Variants in RSPH9 observed in about 807,000 individuals in gnomAD.
RSPH9 encodes the protein radial spoke head protein 9 homolog.
A neutral mutation model predicts 27.0 loss-of-function variants in RSPH9; 27 were observed. That is an observed-to-expected ratio of 1.00 (90% CI 0.74 to 1.38). The LOEUF (loss-of-function observed/expected upper bound fraction) is 1.38, where lower values mean the gene tolerates loss of function less well. RSPH9 is among the 40% of genes most tolerant of loss of function. RSPH9 has a pLI of 0.00. For synonymous variants in RSPH9, 145 were observed against 147.7 expected (o/e 0.98, Z 0.13); for missense variants, 347 against 357.4 (o/e 0.97, Z 0.24).
chr6:43,669,353 T>G (rs1162985740), intron 4 of RSPH9, among the ~76,000 whole-genome samples: 4 of 152,192 alleles, frequency 2.6e-5, no homozygotes, highest in Non-Finnish European at 1.5e-5. Flanking sequence ...GGTTTTGACC[T>G]GGGCAGGCGG....
At chr6:43,667,941 G>GAGTA in intron 4 of RSPH9, among the ~76,000 whole-genome samples, 1 of 152,276 alleles carries the variant, frequency 6.6e-6, no homozygotes, top group Middle Eastern at 3.4e-3. Flanking sequence ...AATGTAATTA[G>GAGTA]AGTAAGTACG....
In RSPH9 at chr6:43,672,268, G is replaced by A. The variant is rs192606049; in HGVS notation, c.*1319G>A. On this transcript the variant is annotated 3_prime_UTR_variant, in exon 5 of 5. Transcript: ENST00000372163. ...CCTCAGCCATGGGGCGAGAAGAGCT[G>A]ATGTAAGGCTCTGGAGGAACCCATT... The A allele has an allele frequency of 2.9e-5, 13 of 443,624 alleles. No individual in the cohort carries two copies. The East Asian group carries it at 8.2e-4, about 28-fold the overall frequency. 27.5% of individuals were successfully genotyped at this position (443,624 alleles called of 1,614,324 possible). A position where few individuals can be genotyped will look rare whatever the true frequency, so the allele number is the denominator to read the frequency against.
At chr6:43,660,078 C>G (rs1219284946) in intron 4 of RSPH9, among the ~76,000 whole-genome samples, 2 of 129,460 alleles carry the variant, frequency 1.5e-5, no homozygotes, top group East Asian at 5.1e-4. Flanking sequence ...GAGTCTTGCT[C>G]TTTTGCTCAG....
rs1163299257 is a variant in RSPH9 at position 43,660,039 on chromosome 6, CTTTTTTTTTTT to C, written c.670+3328_670+3338del. ...CGTGAGCCACCATGCCCAGCCTGGC[CTTTTTTTTTTT>C]TTTTTTTTTTTGAGACAGAGTCTTG... On this transcript the variant is annotated intron_variant, in intron 4 of 4. Transcript: ENST00000372163. Among the ~76,000 whole-genome samples, 3 of 109,318 alleles carry C rather than the reference CTTTTTTTTTTT, an allele frequency of 2.7e-5. No individual in the cohort carries two copies. In the Admixed American group the frequency reaches 3.0e-4, roughly 11 times the overall value. 71.7% of individuals were successfully genotyped at this position (109,318 alleles called of 152,430 possible). A position where few individuals can be genotyped will look rare whatever the true frequency, so the allele number is the denominator to read the frequency against.
At position 43,645,171 on chromosome 6, in the gene RSPH9, C is replaced by T. The variant is rs144495451; in HGVS notation, c.73C>T (p.Arg25Trp). The change falls in exon 1 of 5, where the codon CGG (arginine) becomes TGG (tryptophan). Residue 25 changes from arginine (R) to tryptophan (W), a missense_variant. Transcript: ENST00000372163. ...GSGQGLSPDR[R>W]ASLLTSLMLV... ...TGGGCAGGGCCTCAGCCCGGACCGT[C>T]GGGCCTCGCTGCTCACGTCTCTTAT... 3.7e-6 allele frequency: 6 copies of T among 1,613,584 alleles called. No individual in the cohort carries two copies. In the South Asian group the frequency reaches 5.5e-5, roughly 15 times the overall value.
intron 4 of RSPH9, among the ~76,000 whole-genome samples, chr6:43,668,013 G>T (rs1773319024): frequency 6.6e-6 from 1 of 152,092 alleles, no homozygotes; most frequent in South Asian, 2.1e-4. Context: ...AGGAAACCCA[G>T]GAGGAACCCC....
chr6:43,669,386 T>C (rs1296073599), intron 4 of RSPH9, among the ~76,000 whole-genome samples: 1 of 152,174 alleles, frequency 6.6e-6, no homozygotes, highest in Non-Finnish European at 1.5e-5. Context: ...TAAGGGTGCA[T>C]GAGCTGCCAT....
At chr6:43,655,986 G>T (rs1233130428) in intron 3 of RSPH9, among the ~76,000 whole-genome samples, 2 of 114,526 alleles carry the variant, frequency 1.7e-5, no homozygotes, top group Admixed American at 9.4e-5. Context: ...CTTCCTCCTT[G>T]GACTTCCTTC....
intron 4 of RSPH9, among the ~76,000 whole-genome samples, chr6:43,669,329 G>A (rs1360146886): frequency 6.6e-6 from 1 of 152,198 alleles, no homozygotes; most frequent in Non-Finnish European, 1.5e-5. Flanking sequence ...AACTATATAC[G>A]CCCAGAAAAC....
chr6:43,661,352 C>T (rs1166093318), intron 4 of RSPH9, among the ~76,000 whole-genome samples: 2 of 152,162 alleles, frequency 1.3e-5, no homozygotes, highest in Non-Finnish European at 2.9e-5. Flanking sequence ...ATTGACTTCT[C>T]TTTAGCTATG....
chr6:43,663,551 A>G (rs554928565), intron 4 of RSPH9, among the ~76,000 whole-genome samples: 106 of 152,156 alleles, frequency 7.0e-4, no homozygotes, highest in African/African-American at 2.5e-3. Flanking sequence ...TAATTTCATG[A>G]TTGTTGTGTC....
intron 1 of RSPH9, 64 bp downstream of exon 1, chr6:43,645,389 G>T: frequency 1.7e-6 from 1 of 587,754 alleles, no homozygotes; most frequent in Non-Finnish European, 3.1e-6. Flanking sequence ...CGGGGTGGGC[G>T]GGTCGCAGCA....
chr6:43,645,075 G>A lies in RSPH9; in HGVS notation c.-24G>A. ...GCGGCTTCTCCTAGCAACTCGACGG[G>A]CGTTGAGCGGAGCCGCTGACCTGAT... On this transcript the variant is annotated 5_prime_UTR_variant, in exon 1 of 5. Transcript: ENST00000372163. The A allele has an allele frequency of 6.2e-7, 1 of 1,601,282 alleles. No individual in the cohort carries two copies. The highest frequency in any genetic ancestry group is 1.1e-5 in the South Asian group (1 of 90,940).
intron 2 of RSPH9, among the ~76,000 whole-genome samples, chr6:43,653,422 G>C (rs1270443847): frequency 6.7e-6 from 1 of 148,914 alleles, no homozygotes; most frequent in African/African-American, 2.5e-5. Context: ...ACTCCAGCCT[G>C]GGTGACAGAG....
intron 1 of RSPH9, among the ~76,000 whole-genome samples, chr6:43,647,937 A>G (rs1582376750): frequency 6.6e-6 from 1 of 152,206 alleles, no homozygotes; most frequent in South Asian, 2.1e-4. Flanking sequence ...ACACACATCT[A>G]TTAGATGTCA....
intron 1 of RSPH9, among the ~76,000 whole-genome samples, chr6:43,646,077 C>G (rs1770827221): frequency 1.3e-5 from 2 of 152,080 alleles, no homozygotes; most frequent in Admixed American, 6.6e-5. Flanking sequence ...GCCTCAGCCT[C>G]CCAAATAGCT....
At position 43,672,169 on chromosome 6, in the gene RSPH9, G is replaced by A. The variant is rs1358832895; in HGVS notation, c.*1220G>A. 7 of 551,656 alleles carry A rather than the reference G, an allele frequency of 1.3e-5. No homozygotes were observed. Among genetic ancestry groups the A allele is most frequent in the Middle Eastern group, 4.7e-4 (1 of 2,144 alleles). The allele number at this position is 551,656 out of a possible 1,614,324, so 34.2% of individuals were successfully genotyped here. On this transcript the variant is annotated 3_prime_UTR_variant, in exon 5 of 5. Coordinates refer to ENST00000372163, the MANE Select transcript of RSPH9 (RefSeq NM_152732.5). ...ACAAGCTCCCTTGATCTTTGTAAAT[G>A]TCAATGTTGGTGTGTGTTTGCTGAG...
rs772608546 is a variant in RSPH9 at position 43,656,721 on chromosome 6, A to C, written c.668A>C (p.Lys223Thr). The C allele has an allele frequency of 6.2e-7, 1 of 1,614,044 alleles. No homozygotes were observed. Among genetic ancestry groups the C allele is most frequent in the Non-Finnish European group, 8.5e-7 (1 of 1,180,008 alleles). The change falls in exon 4 of 5, where the codon AAA (lysine) becomes ACA (threonine). Residue 223 changes from lysine (K) to threonine (T), a missense_variant and splice_region_variant. By Grantham distance (78) the Lys-to-Thr change is moderately conservative. Transcript: ENST00000372163. Reference sequence around the variant, plus strand: ...GACTCCTTGGAGCATGACATTCCCAAAGGTAATAGTCCATTACCTGGAGGC... The same window carrying C: ...GACTCCTTGGAGCATGACATTCCCACAGGTAATAGTCCATTACCTGGAGGC... ...FMDSLEHDIP[K>T]GSWSIQMERG...
chr6:43,645,375 A>AG, intron 1 of RSPH9, 50 bp downstream of exon 1: 21 of 134,594 alleles, frequency 1.6e-4, no homozygotes, highest in Admixed American at 7.8e-4. Flanking sequence ...ACCTGGAGGC[A>AG]GGGCGGGGTG....
Sources: gnomAD v4.1 joint callset for allele counts (sites outside exome capture counted in the v4.1 genomes callset) on GRCh38, gnomAD v4.1.1 for gene constraint, MANE v1.5 for transcripts, NCBI Gene and HGNC (gene_info 2026-07-23, HGNC 2026-07-21) for gene names.